Variants in WDR72 observed in about 807,000 individuals in gnomAD.
WDR72 encodes WD repeat-containing protein 72.
In WDR72, 120 loss-of-function variants were observed where a neutral mutation model predicts 124.2. The ratio of observed to expected loss-of-function variants is 0.97; its 90% CI spans 0.83 to 1.12. The LOEUF (loss-of-function observed/expected upper bound fraction) is 1.12. Among genes scored for constraint, WDR72 ranks in the 50% most tolerant of loss-of-function variants. The pLI is 0.00. For missense variants in WDR72, 1,387 were observed against 1,278.8 expected (o/e 1.08, Z -1.29); for synonymous variants, 452 against 441.7 (o/e 1.02, Z -0.29).
Position 53,732,984 on chromosome 15 carries a change from A to T in WDR72, c.153+13T>A. ...GAGTGGTGTCTGTTTCAATATCAGT[A>T]GCTTTCACTAACCTTTAGTTCATGT... On this transcript the variant is annotated intron_variant, in intron 2 of 19. Transcript: ENST00000360509. The T allele has an allele frequency of 1.9e-6, 3 of 1,614,050 alleles. No individual in the cohort carries two copies. Among genetic ancestry groups the T allele is most frequent in the Non-Finnish European group, 2.5e-6 (3 of 1,179,936 alleles).
intron 3 of WDR72, among the ~76,000 whole-genome samples, chr15:53,722,450 C>T (rs1236011919): frequency 6.6e-6 from 1 of 152,202 alleles, no homozygotes; most frequent in Non-Finnish European, 1.5e-5. Flanking sequence ...AAGTGTGTTA[C>T]TACATGAGAA....
chr15:53,735,221 G>A (rs1381068410), intron 1 of WDR72, among the ~76,000 whole-genome samples: 1 of 152,132 alleles, frequency 6.6e-6, no homozygotes, highest in African/African-American at 2.4e-5. Context: ...AACCCAGGAG[G>A]TGGAGGTTGC....
intron 18 of WDR72, among the ~76,000 whole-genome samples, chr15:53,526,721 T>G (rs1409941888): frequency 6.6e-6 from 1 of 152,080 alleles, no homozygotes; most frequent in African/African-American, 2.4e-5. Context: ...TTTTCAGTAG[T>G]TTTTGAAGGT....
rs760429377 is a variant in WDR72 at position 53,517,756 on chromosome 15, T to A, written c.3254-2A>T. 1.9e-6 allele frequency: 3 copies of A among 1,611,906 alleles called. No homozygotes were observed. In the South Asian group the frequency reaches 3.3e-5, roughly 18 times the overall value. ...TCCATGAATGATGCCTTGGCTCACCTAGGAAAAAAGCAGATATCTTGGGTT... is the reference window on the plus strand; with the variant it reads ...TCCATGAATGATGCCTTGGCTCACCAAGGAAAAAAGCAGATATCTTGGGTT... On this transcript the variant is annotated splice_acceptor_variant, in intron 19 of 19. Coordinates refer to ENST00000360509, the MANE Select transcript of WDR72 (RefSeq NM_182758.4). LOFTEE classifies it high-confidence loss of function.
intron 18 of WDR72, among the ~76,000 whole-genome samples, chr15:53,547,610 A>G (rs1453678344): frequency 6.6e-6 from 1 of 152,126 alleles, no homozygotes; most frequent in Non-Finnish European, 1.5e-5. Context: ...AGGAACAGGG[A>G]ACTTCTGAAA....
At chr15:53,617,432 A>C (rs1205197018) in intron 14 of WDR72, among the ~76,000 whole-genome samples, 1 of 151,678 alleles carries the variant, frequency 6.6e-6, no homozygotes, top group Non-Finnish European at 1.5e-5. Flanking sequence ...TGGTTTTCTG[A>C]AATTTTTTTA....
chr15:53,618,979 T>G (rs964231679), intron 14 of WDR72, among the ~76,000 whole-genome samples: 10 of 152,160 alleles, frequency 6.6e-5, no homozygotes, highest in Middle Eastern at 3.4e-3. Flanking sequence ...AGTTTGCCAG[T>G]TGTCTTCTCA....
At chr15:53,678,778 T>G (rs2016267378) in intron 13 of WDR72, among the ~76,000 whole-genome samples, 1 of 152,202 alleles carries the variant, frequency 6.6e-6, no homozygotes, top group Admixed American at 6.5e-5. Flanking sequence ...TAGATCATGG[T>G]CTAAAGCATC....
chr15:53,556,082 T>G (rs1893921854), intron 18 of WDR72, among the ~76,000 whole-genome samples: 1 of 152,130 alleles, frequency 6.6e-6, no homozygotes, highest in Admixed American at 6.6e-5. Flanking sequence ...ATTCCATCAT[T>G]TATCTATGGA....
intron 17 of WDR72, among the ~76,000 whole-genome samples, chr15:53,601,082 A>G (rs1445438621): frequency 1.3e-5 from 2 of 152,128 alleles, no homozygotes; most frequent in African/African-American, 4.8e-5. Flanking sequence ...TTAAAATGAA[A>G]GAAAAATTGT....
intron 18 of WDR72, among the ~76,000 whole-genome samples, chr15:53,544,786 C>T (rs1339877645): frequency 2.0e-5 from 3 of 151,674 alleles, no homozygotes; most frequent in Non-Finnish European, 4.4e-5. Flanking sequence ...CCAAAATCTC[C>T]TTAAGCTGAT....
chr15:53,562,482 T>C (rs1439927157), intron 18 of WDR72, among the ~76,000 whole-genome samples: 1 of 151,804 alleles, frequency 6.6e-6, no homozygotes, highest in African/African-American at 2.4e-5. Flanking sequence ...TTCCAAAGAA[T>C]TCCCAGGTGA....
intron 1 of WDR72, among the ~76,000 whole-genome samples, chr15:53,745,488 T>C (rs576006803): frequency 1.3e-5 from 2 of 152,324 alleles, no homozygotes; most frequent in South Asian, 2.1e-4. Flanking sequence ...TGATGATCTT[T>C]AAATCAATGA....
intron 17 of WDR72, among the ~76,000 whole-genome samples, chr15:53,599,937 A>G (rs1027174774): frequency 2.0e-5 from 3 of 152,186 alleles, no homozygotes; most frequent in African/African-American, 7.2e-5. Flanking sequence ...AAAAACAAGG[A>G]GAACAGAAAT....
intron 1 of WDR72, among the ~76,000 whole-genome samples, chr15:53,739,963 A>C (rs2018464029): frequency 1.3e-5 from 2 of 152,206 alleles, no homozygotes; most frequent in South Asian, 4.1e-4. Context: ...GTAGAACAGT[A>C]GGAGAAGGAA....
chr15:53,562,658 T>C (rs1894163727), intron 18 of WDR72, among the ~76,000 whole-genome samples: 1 of 151,708 alleles, frequency 6.6e-6, no homozygotes, highest in African/African-American at 2.4e-5. Context: ...AAGAGAGGGA[T>C]GATGATATAT....
intron 18 of WDR72, among the ~76,000 whole-genome samples, chr15:53,569,869 C>G (rs538797206): frequency 6.6e-6 from 1 of 151,940 alleles, no homozygotes; most frequent in East Asian, 1.9e-4. Context: ...ATCATAAAAA[C>G]AATGAACTAT....
Position 53,613,736 on chromosome 15 carries a change from T to C in WDR72, c.2802A>G (p.Ile934Met). Residue 934 changes from isoleucine to methionine, a missense_variant, in exon 16 of 20, where the codon ATA becomes ATG. Transcript: ENST00000360509. The part of the protein sequence containing the change: ...RVGSSFRMES[I>M]HNKMRGAGND... ...TCCCAGCACCTCTCATCTTATTATG[T>C]ATACTTTCCATTCTGAAAGAACTGT... The C allele has an allele frequency of 3.7e-6, 6 of 1,607,970 alleles. No homozygotes were observed. The highest frequency in any genetic ancestry group is 5.1e-6 in the Non-Finnish European group (6 of 1,175,558).
At chr15:53,671,423 G>A (rs1484412421) in intron 13 of WDR72, among the ~76,000 whole-genome samples, 1 of 151,984 alleles carries the variant, frequency 6.6e-6, no homozygotes, top group Non-Finnish European at 1.5e-5. Context: ...ATTTGTAATT[G>A]GTGTCCTTTA....
Sources: gnomAD v4.1 joint callset for allele counts (sites outside exome capture counted in the v4.1 genomes callset) on GRCh38, gnomAD v4.1.1 for gene constraint, MANE v1.5 for transcripts, NCBI Gene and HGNC (gene_info 2026-07-23, HGNC 2026-07-21) for gene names.